The following METTL22 variants were observed in gnomAD, a reference collection of about 807,000 sequenced individuals.
The protein encoded by METTL22 is methyltransferase-like protein 22.
In METTL22, 51 loss-of-function variants were observed where a neutral mutation model predicts 48.4. The ratio of observed to expected loss-of-function variants is 1.05; its 90% CI spans 0.84 to 1.33. The LOEUF (loss-of-function observed/expected upper bound fraction) is 1.33. METTL22 is among the 40% of genes most tolerant of loss of function. The probability of loss-of-function intolerance (pLI) is 0.00; values close to 1 mark genes in which losing one functional copy is unlikely to be tolerated. For synonymous variants in METTL22, 255 were observed against 214.1 expected (o/e 1.19, Z -1.67); for missense variants, 678 against 526.9 (o/e 1.29, Z -2.81).
intron 7 of METTL22, 31 bp downstream of exon 7, chr16:8,641,215 T>A: frequency 6.2e-7 from 1 of 1,609,262 alleles, no homozygotes. Flanking sequence ...TCCCCCAGTA[T>A]GATTCAGTGA....
In METTL22 at chr16:8,645,970, C is replaced by G. The variant is rs752811033; in HGVS notation, c.1180-138C>G. 158 of 1,262,304 alleles carry G rather than the reference C, an allele frequency of 1.3e-4. 1 individual carries two copies. The highest frequency in any genetic ancestry group is 5.3e-5 in the Admixed American group (1 of 18,834). The allele number at this position is 1,262,304 out of a possible 1,614,324, so 78.2% of individuals were successfully genotyped here. A position where few individuals can be genotyped will look rare whatever the true frequency, so the allele number is the denominator to read the frequency against. ...CAAAGAAAGGAGGAAGCCGCCCGTC[C>G]GCTCCTGCCCCAGCTCGCCTGCTCC... is the stretch of plus-strand genomic sequence containing the variant. On this transcript the variant is annotated intron_variant, in intron 10 of 10. Transcript: ENST00000381920.
At chr16:8,632,435 G>T (rs1043430842) in intron 3 of METTL22, among the ~76,000 whole-genome samples, 2 of 152,158 alleles carry the variant, frequency 1.3e-5, no homozygotes, top group Non-Finnish European at 2.9e-5. Context: ...CAAACTCCTG[G>T]CTTCAGGCGA....
the METTL22 span, among the ~76,000 whole-genome samples, chr16:8,664,037 G>T: frequency 6.6e-6 from 1 of 151,814 alleles, no homozygotes; most frequent in Admixed American, 6.6e-5. Context: ...TAACCACTGG[G>T]CTAGGCAATG....
At chr16:8,633,951 G>C (rs1488466208) in intron 3 of METTL22, among the ~76,000 whole-genome samples, 1 of 152,258 alleles carries the variant, frequency 6.6e-6, no homozygotes, top group Non-Finnish European at 1.5e-5. Context: ...TTGGTTCAGT[G>C]AAGGAACTTT....
At chr16:8,641,481 C>T (rs752702899) in intron 7 of METTL22, 38 of 558,144 alleles carry the variant, frequency 6.8e-5, no homozygotes, top group Non-Finnish European at 1.1e-4. Flanking sequence ...AGCTGGTACA[C>T]AGCAGGGTAG....
Position 8,629,006 on chromosome 16 carries a change from C to T in METTL22, c.410C>T (p.Ala137Val). 6.2e-7 allele frequency: 1 copy of T among 1,614,114 alleles called. No individual in the cohort carries two copies. Among genetic ancestry groups the T allele is most frequent in the Non-Finnish European group, 8.5e-7 (1 of 1,180,032 alleles). Residue 137 changes from alanine (A) to valine (V), a missense_variant, in exon 3 of 11, where the codon GCA (alanine) becomes GTA (valine). By Grantham distance (64) the Ala-to-Val change is moderately conservative. Coordinates refer to ENST00000381920, the MANE Select transcript of METTL22 (RefSeq NM_024109.4). Reference sequence around the variant, plus strand: ...CGAGCCGCCTCTGATTCCAACCCAGCAGGGCCTCTGAGAGACAAGGTACAT... The same window carrying T: ...CGAGCCGCCTCTGATTCCAACCCAGTAGGGCCTCTGAGAGACAAGGTACAT... ...RPRAASDSNP[A>V]GPLRDKVHPM...
At chr16:8,657,457 T>C in the METTL22 span, among the ~76,000 whole-genome samples, 2 of 152,260 alleles carry the variant, frequency 1.3e-5, no homozygotes, top group Non-Finnish European at 2.9e-5. Context: ...ACACCAACAA[T>C]AGCTTTGCCT....
chr16:8,657,987 G>T, the METTL22 span, among the ~76,000 whole-genome samples: 8 of 151,996 alleles, frequency 5.3e-5, no homozygotes, highest in South Asian at 2.1e-4. Context: ...GGCTAATTTT[G>T]TCTGTTTTTA....
Position 8,635,316 on chromosome 16 carries a change from A to G in METTL22, c.700+4A>G. 8.4e-6 allele frequency: 13 copies of G among 1,544,320 alleles called. No individual in the cohort carries two copies. Among genetic ancestry groups the G allele is most frequent in the South Asian group, 1.2e-5 (1 of 82,876 alleles). Reference sequence around the variant, plus strand: ...GCACGGACCGTTTATTGTACAGGTAATGAGGTGACATCTCAGGCTGCAGGG... The same window carrying G: ...GCACGGACCGTTTATTGTACAGGTAGTGAGGTGACATCTCAGGCTGCAGGG... On this transcript the variant is annotated splice_donor_region_variant and intron_variant, in intron 5 of 10. Transcript: ENST00000381920.
At chr16:8,641,492 G>A in intron 7 of METTL22, 1 of 556,794 alleles carries the variant, frequency 1.8e-6, no homozygotes, top group Non-Finnish European at 3.4e-6. Flanking sequence ...AGCAGGGTAG[G>A]GGCATAGACC....
At chr16:8,636,854 T>G (rs184666374) in intron 5 of METTL22, among the ~76,000 whole-genome samples, 3 of 152,322 alleles carry the variant, frequency 2.0e-5, no homozygotes, top group Admixed American at 2.0e-4. Context: ...TACCAACTAA[T>G]TTCTTTTTTA....
intron 1 of METTL22, among the ~76,000 whole-genome samples, chr16:8,624,448 C>T (rs1280233590): frequency 6.6e-6 from 1 of 151,242 alleles, no homozygotes; most frequent in Non-Finnish European, 1.5e-5. Flanking sequence ...GACGCATTCT[C>T]AGCTCACTGC....
At chr16:8,637,719 G>T (rs1351510489) in intron 5 of METTL22, among the ~76,000 whole-genome samples, 16 of 152,224 alleles carry the variant, frequency 1.1e-4, no homozygotes, top group African/African-American at 3.9e-4. Flanking sequence ...CAAGCTGGCC[G>T]AGGGATGCTG....
rs2056650602 is a variant in METTL22 at position 8,642,452 on chromosome 16, G to C, written c.908-11G>C. 1 of 1,613,340 alleles carries C rather than the reference G, an allele frequency of 6.2e-7. No individual in the cohort carries two copies. Among genetic ancestry groups the C allele is most frequent in the East Asian group, 2.2e-5 (1 of 44,872 alleles). ...GTTTTCCTCTAATGCTGGCCTTTTTGCTTCCCACAGTGTTTTACGACGACG... is the reference window on the plus strand; with the variant it reads ...GTTTTCCTCTAATGCTGGCCTTTTTCCTTCCCACAGTGTTTTACGACGACG... On this transcript the variant is annotated splice_polypyrimidine_tract_variant and intron_variant, in intron 8 of 10. Coordinates refer to ENST00000381920, the MANE Select transcript of METTL22 (RefSeq NM_024109.4).
the METTL22 span, among the ~76,000 whole-genome samples, chr16:8,657,820 C>CTTTTTTTTTTTTTTTTTTTTTTTTTTTTT: frequency 4.4e-5 from 6 of 137,292 alleles, no homozygotes; most frequent in African/African-American, 1.2e-4. Flanking sequence ...CTTTTCTTTT[C>CTTTTTTTTTTTTTTTTTTTTTTTTTTTTT]TTTCTTTTTT....
At chr16:8,645,441 C>A (rs2056757524) in intron 10 of METTL22, among the ~76,000 whole-genome samples, 1 of 152,156 alleles carries the variant, frequency 6.6e-6, no homozygotes, top group Non-Finnish European at 1.5e-5. Context: ...CAAGAACACA[C>A]ATTTCTTACA....
chr16:8,658,638 TG>T, the METTL22 span, among the ~76,000 whole-genome samples: 1 of 152,202 alleles, frequency 6.6e-6, no homozygotes, highest in African/African-American at 2.4e-5. Context: ...GAGGGATCTT[TG>T]AAAATATTTA....
chr16:8,642,248 A>G (rs1427895268), intron 8 of METTL22, 41 bp downstream of exon 8: 1 of 1,554,742 alleles, frequency 6.4e-7, no homozygotes, highest in Non-Finnish European at 8.9e-7. Flanking sequence ...CCTTTGTTGT[A>G]GCATGAAGTC....
At chr16:8,630,901 C>T (rs897623088) in intron 3 of METTL22, among the ~76,000 whole-genome samples, 3 of 152,240 alleles carry the variant, frequency 2.0e-5, no homozygotes, top group Non-Finnish European at 4.4e-5. Flanking sequence ...GCACTTTCAT[C>T]TGCAAAACTT....
Sources: allele counts gnomAD v4.1 joint callset (sites outside exome capture counted in the v4.1 genomes callset), GRCh38; gene constraint gnomAD v4.1.1; transcripts MANE v1.5; gene names NCBI Gene and HGNC (gene_info 2026-07-23, HGNC 2026-07-21).